The following BMP2K variants were observed in gnomAD, a reference collection of about 807,000 sequenced individuals.
BMP2K encodes the protein BMP-2-inducible protein kinase.
BMP2K carries 74 observed loss-of-function variants against 116.0 expected under a neutral mutation model. The observed-to-expected ratio is 0.64, with a 90% CI of 0.53 to 0.77. The LOEUF (loss-of-function observed/expected upper bound fraction) is 0.77. Among genes scored for constraint, BMP2K ranks in the 30% least tolerant of loss-of-function variants. BMP2K has a pLI of 0.00. For missense variants in BMP2K, 1,365 were observed against 1,403.6 expected, an observed-to-expected ratio of 0.97 and a Z score of 0.44; for synonymous variants, 486 against 502.5, an observed-to-expected ratio of 0.97 and a Z score of 0.44.
At position 78,910,939 on chromosome 4, in the gene BMP2K, G is replaced by A. The variant is rs1734558541; in HGVS notation, c.2392G>A (p.Glu798Lys). Reference protein sequence around the residue: ...LMDSEDEEEEEKHSSDSDYEQ... With the variant: ...LMDSEDEEEEKKHSSDSDYEQ... ...GGATTCTGAAGATGAGGAAGAAGAGGAGAAACATAGCTCTGATTCTGATTA... is the reference window on the plus strand; with the variant it reads ...GGATTCTGAAGATGAGGAAGAAGAGAAGAAACATAGCTCTGATTCTGATTA... The change falls in exon 16 of 16, where the codon GAG (glutamate) becomes AAG (lysine). Residue 798 changes from glutamate to lysine, a missense_variant. Physicochemically the swap from Glu to Lys is moderately conservative, Grantham distance 56 (BLOSUM62 1). Transcript: ENST00000502613. 1 of 1,613,748 alleles carries A rather than the reference G, an allele frequency of 6.2e-7. No individual in the cohort carries two copies. Among genetic ancestry groups the A allele is most frequent in the East Asian group, 2.2e-5 (1 of 44,858 alleles).
rs760592275 is a variant in BMP2K at position 78,844,937 on chromosome 4, A to G, written c.556A>G (p.Ile186Val). The change falls in exon 5 of 16, where the codon ATT (isoleucine) becomes GTT (valine). Residue 186 changes from isoleucine to valine, a missense_variant. Coordinates refer to ENST00000502613, the MANE Select transcript of BMP2K (RefSeq NM_198892.2). ...IIHRDLKVEN[I>V]LLNDGGNYVL... ...ATTTTCTTTTCTTAAGGTAGAAAAT[A>G]TTTTGTTGAATGATGGTGGGAACTA... is the stretch of plus-strand genomic sequence containing the variant. The G allele has an allele frequency of 6.3e-7, 1 of 1,595,314 alleles. No individual in the cohort carries two copies. Among genetic ancestry groups the G allele is most frequent in the Non-Finnish European group, 8.6e-7 (1 of 1,165,688 alleles).
intron 4 of BMP2K, among the ~76,000 whole-genome samples, chr4:78,842,949 C>T (rs558057277): frequency 6.6e-6 from 1 of 151,990 alleles, no homozygotes; most frequent in African/African-American, 2.4e-5. Flanking sequence ...AAGTGGGTCT[C>T]TTTTTCTATT....
Position 78,861,453 on chromosome 4 carries a change from G to T in BMP2K, c.1052G>T (p.Ser351Ile). 1 of 1,607,790 alleles carries T rather than the reference G, an allele frequency of 6.2e-7. No homozygotes were observed. The highest frequency in any genetic ancestry group is 8.5e-7 in the Non-Finnish European group (1 of 1,176,068). ...GCTAGTGAAGCAGCTGCTAGGAAAA[G>T]CCAAATAAAAGCCAGGTAGGCAAAA... Reference protein sequence around the residue: ...MTASEAAARKSQIKARITDTI... With the variant: ...MTASEAAARKIQIKARITDTI... The change falls in exon 9 of 16, where the codon AGC becomes ATC. Residue 351 changes from serine to isoleucine, a missense_variant. Physicochemically the swap from Ser to Ile is moderately radical, Grantham distance 142 (BLOSUM62 -2). Around this residue, in one of 3 missense-constraint regions of BMP2K, gnomAD observed 762 missense variants for 756.7 expected, o/e 1.01. Coordinates refer to ENST00000502613, the MANE Select transcript of BMP2K (RefSeq NM_198892.2).
chr4:78,810,767 TA>T (rs990030743), intron 1 of BMP2K, among the ~76,000 whole-genome samples: 5 of 152,104 alleles, frequency 3.3e-5, no homozygotes, highest in African/African-American at 9.6e-5. Context: ...TAAAGCAAGT[TA>T]AAATGCTGCA....
intron 1 of BMP2K, among the ~76,000 whole-genome samples, chr4:78,795,908 T>C (rs1463462379): frequency 6.6e-6 from 1 of 151,598 alleles, no homozygotes. Context: ...CTGGAGAGGA[T>C]GTGGAGAAAT....
At chr4:78,806,185 A>C (rs1728809741) in intron 1 of BMP2K, among the ~76,000 whole-genome samples, 1 of 151,626 alleles carries the variant, frequency 6.6e-6, no homozygotes, top group Non-Finnish European at 1.5e-5. Context: ...TATATATTTA[A>C]ATTTTTAGGA....
At chr4:78,906,042 C>T (rs1308345997) in intron 15 of BMP2K, 1 of 151,948 alleles carries the variant, frequency 6.6e-6, no homozygotes, top group Non-Finnish European at 1.5e-5. Context: ...CCTTTCTTTC[C>T]CAGCTCTTCT....
intron 1 of BMP2K, among the ~76,000 whole-genome samples, chr4:78,825,002 C>G (rs1171874292): frequency 6.6e-6 from 1 of 152,028 alleles, no homozygotes; most frequent in African/African-American, 2.4e-5. Context: ...GAATTCGAGA[C>G]CAGCAGCCTG....
chr4:78,860,033 T>TTTG, intron 8 of BMP2K: 1 of 513,166 alleles, frequency 1.9e-6, no homozygotes, highest in Non-Finnish European at 3.8e-6. Context: ...TTTTTTTTCT[T>TTTG]AGAAGTGTTG....
At chr4:78,804,799 C>T (rs550815738) in intron 1 of BMP2K, among the ~76,000 whole-genome samples, 11 of 150,380 alleles carry the variant, frequency 7.3e-5, no homozygotes, top group Admixed American at 2.7e-4. Context: ...CAGGGATAAG[C>T]GTTCTTCATA....
At chr4:78,868,334 A>T (rs1577942159) in intron 10 of BMP2K, among the ~76,000 whole-genome samples, 1 of 152,090 alleles carries the variant, frequency 6.6e-6, no homozygotes, top group South Asian at 2.1e-4. Flanking sequence ...CACTATCACA[A>T]GAAAGACGCC....
chr4:78,789,000 C>G (rs1424146336), intron 1 of BMP2K, among the ~76,000 whole-genome samples: 2 of 111,454 alleles, frequency 1.8e-5, no homozygotes, highest in Non-Finnish European at 3.8e-5. Context: ...TTCTTTTTTT[C>G]TTTTGCTTTG....
At chr4:78,827,534 G>A (rs1205072483) in intron 2 of BMP2K, among the ~76,000 whole-genome samples, 1 of 152,152 alleles carries the variant, frequency 6.6e-6, no homozygotes, top group African/African-American at 2.4e-5. Context: ...CACTGCTGCA[G>A]TACCCCTATG....
At chr4:78,818,516 GAA>G (rs1368830321) in intron 1 of BMP2K, among the ~76,000 whole-genome samples, 1 of 151,960 alleles carries the variant, frequency 6.6e-6, no homozygotes, top group Non-Finnish European at 1.5e-5. Context: ...AATGATGTTG[GAA>G]AAAAGAGATG....
intron 15 of BMP2K, among the ~76,000 whole-genome samples, chr4:78,895,996 A>C (rs1733681804): frequency 6.6e-6 from 1 of 152,142 alleles, no homozygotes; most frequent in Non-Finnish European, 1.5e-5. Context: ...TTCTGGGTTC[A>C]AGCAATCCTG....
At chr4:78,816,457 G>T (rs1342907322) in intron 1 of BMP2K, among the ~76,000 whole-genome samples, 1 of 151,926 alleles carries the variant, frequency 6.6e-6, no homozygotes, top group African/African-American at 2.4e-5. Context: ...TACTCACTTT[G>T]ATACTTTTTC....
At chr4:78,895,031 GC>G (rs147632146) in intron 15 of BMP2K, among the ~76,000 whole-genome samples, 2,555 of 152,232 alleles carry the variant, frequency 0.017, 38 homozygotes, top group Non-Finnish European at 0.027. Context: ...AGTTTGTGGA[GC>G]CCAAAACAAT....
chr4:78,837,224 C>G (rs956420674), intron 3 of BMP2K, among the ~76,000 whole-genome samples: 1 of 151,402 alleles, frequency 6.6e-6, no homozygotes, highest in Non-Finnish European at 1.5e-5. Context: ...TAGTCTTGCT[C>G]TGTCACCTAA....
chr4:78,896,658 G>C (rs1446078065), intron 15 of BMP2K, among the ~76,000 whole-genome samples: 1 of 152,142 alleles, frequency 6.6e-6, no homozygotes, highest in African/African-American at 2.4e-5. Context: ...ATGTCTACTT[G>C]ATTTTTACAA....
Sources: gnomAD v4.1 joint callset for allele counts (sites outside exome capture counted in the v4.1 genomes callset) on GRCh38, gnomAD v4.1.1 for gene constraint, gnomAD v4.1.1 regional missense constraint, MANE v1.5 for transcripts, NCBI Gene and HGNC (gene_info 2026-07-23, HGNC 2026-07-21) for gene names.